DDX28: variants seen among roughly 807,000 people sequenced by gnomAD.
The protein encoded by DDX28 is DEAD-box helicase 28, also known as probable ATP-dependent RNA helicase DDX28.
Under a neutral mutation model 26.8 loss-of-function variants are expected in DDX28, and 25 were observed. The ratio of observed to expected loss-of-function variants is 0.93; its 90% CI spans 0.68 to 1.30. The LOEUF (loss-of-function observed/expected upper bound fraction) is 1.30. Ranked by LOEUF, DDX28 falls within the 50% of genes most tolerant of loss-of-function variation. The pLI is 0.00. For synonymous variants in DDX28, 370 were observed against 311.9 expected (o/e 1.19, Z -1.96); for missense variants, 790 against 695.1 (o/e 1.14, Z -1.53).
chr16:68,023,013 G>C lies in DDX28; in HGVS notation c.190C>G (p.Pro64Ala). 6.3e-7 allele frequency: 1 copy of C among 1,577,790 alleles called. No homozygotes were observed. Among genetic ancestry groups the C allele is most frequent in the Non-Finnish European group, 8.5e-7 (1 of 1,170,464 alleles). ...CGCGCCGAAACCAGCAGCGGTCCGG[G>C]TCGAACCAGCACCGGCCTCGGGAGG... is the stretch of plus-strand genomic sequence containing the variant. ...RNLPRPVLVR[P>A]GPLLVSARRP... The change falls in exon 1 of 1, where the codon CCC becomes GCC. Residue 64 changes from proline to alanine, a missense_variant. Pro to Ala is a conservative substitution (Grantham distance 27, BLOSUM62 -1). Coordinates refer to ENST00000332395, the MANE Select transcript of DDX28 (RefSeq NM_018380.4).
In DDX28 at chr16:68,022,779, G is replaced by C; in HGVS notation, c.424C>G (p.Gln142Glu). 1 of 1,607,702 alleles carries C rather than the reference G, an allele frequency of 6.2e-7. No homozygotes were observed. ...TGAACGACTTCAGGCGCAGCCTCCTGTAGTGCGTGCAGCACACGGGGCTCC... is the reference window on the plus strand; with the variant it reads ...TGAACGACTTCAGGCGCAGCCTCCTCTAGTGCGTGCAGCACACGGGGCTCC... Reference protein sequence around the residue: ...GLEPRVLHALQEAAPEVVQPT... With the variant: ...GLEPRVLHALEEAAPEVVQPT... Residue 142 changes from glutamine (Q) to glutamate (E), a missense_variant, in exon 1 of 1, where the codon CAG becomes GAG. By Grantham distance (29) the Gln-to-Glu change is conservative. Coordinates refer to ENST00000332395, the MANE Select transcript of DDX28 (RefSeq NM_018380.4).
Position 68,021,440 on chromosome 16 carries a change from C to A in DDX28, c.*140G>T. ...AATGCTGGCCAGCAGCGTACCTTTC[C>A]AAGTCACAAAGCAGTTCATCCCGCC... is the stretch of plus-strand genomic sequence containing the variant. On this transcript the variant is annotated 3_prime_UTR_variant, in exon 1 of 1. Transcript: ENST00000332395. 1 of 858,768 alleles carries A rather than the reference C, an allele frequency of 1.2e-6. No homozygotes were observed. Among genetic ancestry groups the A allele is most frequent in the East Asian group, 2.7e-5 (1 of 37,718 alleles). 53.2% of individuals were successfully genotyped at this position (858,768 alleles called of 1,614,324 possible).
Position 68,023,101 on chromosome 16 carries a change from C to T in DDX28, c.102G>A (p.Pro34=), listed in dbSNP as rs778385465. 8.1e-6 allele frequency: 13 copies of T among 1,603,022 alleles called. No individual in the cohort carries two copies. Among genetic ancestry groups the T allele is most frequent in the Non-Finnish European group, 1.1e-5 (13 of 1,179,812 alleles). ...GTAGAGCCACTGGGATGCGCACCAC[C>T]GGCAGGGGTTCGTCGGGACTGCGGA... is the stretch of plus-strand genomic sequence containing the variant. ...LTVRSPDEPL[P]VVRIPVALQR... is the part of the protein sequence containing the mutation. Residue 34 remains proline (P), a synonymous_variant, in exon 1 of 1, where the codon CCG becomes CCA. Coordinates refer to ENST00000332395, the MANE Select transcript of DDX28 (RefSeq NM_018380.4).
rs758217815 is a variant in DDX28, at chr16:68,022,319, C to T, written c.884G>A (p.Ser295Asn). 6.2e-7 allele frequency: 1 copy of T among 1,614,202 alleles called. No individual in the cohort carries two copies. The highest frequency in any genetic ancestry group is 8.5e-7 in the Non-Finnish European group (1 of 1,180,020). Residue 295 changes from serine to asparagine, a missense_variant, in exon 1 of 1, where the codon AGC (serine) becomes AAC (asparagine). Ser to Asn is a conservative substitution (Grantham distance 46, BLOSUM62 1). Coordinates refer to ENST00000332395, the MANE Select transcript of DDX28 (RefSeq NM_018380.4). ...GATGTAGTCCACCAGTTCCAGGAAG[C>T]TTTCATCCAGCAGTGTGTCTGCCTC... ...LDEADTLLDE[S>N]FLELVDYILE...
At position 68,022,075 on chromosome 16, in the gene DDX28, A is replaced by C; in HGVS notation, c.1128T>G (p.Asp376Glu). ...KQTFLRLKGA[D>E]KVAELVHILK... ...GGATGTGCACCAGCTCGGCCACCTTATCTGCTCCCTTCAGTCTCAGAAATG... is the reference window on the plus strand; with the variant it reads ...GGATGTGCACCAGCTCGGCCACCTTCTCTGCTCCCTTCAGTCTCAGAAATG... The change falls in exon 1 of 1, where the codon GAT (aspartate) becomes GAG (glutamate). Residue 376 changes from aspartate (D) to glutamate (E), a missense_variant. Asp to Glu is a conservative substitution (Grantham distance 45). Transcript: ENST00000332395. The C allele has an allele frequency of 6.2e-7, 1 of 1,614,150 alleles. No individual in the cohort carries two copies. Among genetic ancestry groups the C allele is most frequent in the Non-Finnish European group, 8.5e-7 (1 of 1,180,040 alleles).
rs1201872767 is a variant in DDX28, at chr16:68,022,595, G to A, written c.608C>T (p.Ala203Val). 5.0e-6 allele frequency: 8 copies of A among 1,613,878 alleles called. No homozygotes were observed. The highest frequency in any genetic ancestry group is 2.5e-6 in the Non-Finnish European group (3 of 1,180,012). Residue 203 changes from alanine (A) to valine (V), a missense_variant, in exon 1 of 1, where the codon GCG (alanine) becomes GTG (valine). Coordinates refer to ENST00000332395, the MANE Select transcript of DDX28 (RefSeq NM_018380.4). Reference sequence around the variant, plus strand: ...AGGAACAAGGACCAGGCCTCGGGGCGCGGGGATAGGAAGGGAGTCCAGGCT... The same window carrying A: ...AGGAACAAGGACCAGGCCTCGGGGCACGGGGATAGGAAGGGAGTCCAGGCT... ...QPSLDSLPIPAPRGLVLVPSR... is the reference protein window; with the variant it reads ...QPSLDSLPIPVPRGLVLVPSR...
At position 68,023,169 on chromosome 16, in the gene DDX28, G is replaced by C. The variant is rs766176001; in HGVS notation, c.34C>G (p.Leu12Val). The C allele has an allele frequency of 1.2e-6, 2 of 1,609,428 alleles. No individual in the cohort carries two copies. Among genetic ancestry groups the C allele is most frequent in the South Asian group, 2.2e-5 (2 of 91,018 alleles). The change falls in exon 1 of 1, where the codon CTC becomes GTC. Residue 12 changes from leucine to valine, a missense_variant. Transcript: ENST00000332395. ...ALTRPVRLFS[L>V]VTRLLLAPRR... Reference sequence around the variant, plus strand: ...GGCGCCAGGAGCAACCGAGTCACGAGGGAAAAGAGCCGCACCGGCCGCGTT... The same window carrying C: ...GGCGCCAGGAGCAACCGAGTCACGACGGAAAAGAGCCGCACCGGCCGCGTT...
chr16:68,022,510 G>GC lies in DDX28; in HGVS notation c.692dup (p.Leu232ProfsTer14). Reference sequence around the variant, plus strand: ...CTCCCTCCAGGTCCCGCACCAGCAGGCCCAAGGAGCGGCCCAAGGGTTGGG... The same window carrying GC: ...CTCCCTCCAGGTCCCGCACCAGCAGGCCCCAAGGAGCGGCCCAAGGGTTGGG... On this transcript the variant is annotated frameshift_variant, in exon 1 of 1. Coordinates refer to ENST00000332395, the MANE Select transcript of DDX28 (RefSeq NM_018380.4). LOFTEE classifies it high-confidence loss of function. 1 of 1,613,874 alleles carries GC rather than the reference G, an allele frequency of 6.2e-7. No individual in the cohort carries two copies. Among genetic ancestry groups the GC allele is most frequent in the African/African-American group, 1.3e-5 (1 of 75,052 alleles).
rs1484876780 is a variant in DDX28, at chr16:68,022,529, GGTTGGGCCACAGCCCGCACCT to G, written c.653_673del (p.Gln218_Gln224del). 1.2e-6 allele frequency: 2 copies of G among 1,613,846 alleles called. No homozygotes were observed. The highest frequency in any genetic ancestry group is 1.3e-5 in the African/African-American group (1 of 74,950). ...CAGCAGGCCCAAGGAGCGGCCCAAG[GGTTGGGCCACAGCCCGCACCT>G]GTTGGGCCAATTCTCGGGAAGGAAC... On this transcript the variant is annotated inframe_deletion, in exon 1 of 1. Transcript: ENST00000332395.
chr16:68,022,929 G>C lies in DDX28; in HGVS notation c.274C>G (p.Leu92Val). The change falls in exon 1 of 1, where the codon CTA (leucine) becomes GTA (valine). Residue 92 changes from leucine to valine, a missense_variant. Leu to Val is a conservative substitution (Grantham distance 32). Coordinates refer to ENST00000332395, the MANE Select transcript of DDX28 (RefSeq NM_018380.4). Reference sequence around the variant, plus strand: ...CGACTCTTCCAGCCTTGAGAGGCTAGCGGCGCGCGCTCCCAACGGCCCAGT... The same window carrying C: ...CGACTCTTCCAGCCTTGAGAGGCTACCGGCGCGCGCTCCCAACGGCCCAGT... ...LTLGRWERAP[L>V]ASQGWKSRRA... is the part of the protein sequence containing the mutation. 6.5e-7 allele frequency: 1 copy of C among 1,546,624 alleles called. No homozygotes were observed. Among genetic ancestry groups the C allele is most frequent in the Non-Finnish European group, 8.7e-7 (1 of 1,151,344 alleles).
At position 68,021,104 on chromosome 16, in the gene DDX28, C is replaced by T. The variant is rs1426400972; in HGVS notation, c.*476G>A. 6.6e-6 allele frequency among the ~76,000 whole-genome samples: 1 copy of T among 151,748 alleles called. No homozygotes were observed. Among genetic ancestry groups the T allele is most frequent in the Admixed American group, 6.6e-5 (1 of 15,194 alleles). The stretch of plus-strand genomic sequence containing the variant: ...TCTTGGGCATTGTTAGAGAGTAACT[C>T]TGTCTACTGCTAGTCACATTTCCTT... On this transcript the variant is annotated 3_prime_UTR_variant, in exon 1 of 1. Transcript: ENST00000332395.
rs2033277459 is a variant in DDX28 at position 68,023,025 on chromosome 16, C to T, written c.178G>A (p.Val60Met). The change falls in exon 1 of 1, where the codon GTG becomes ATG. Residue 60 changes from valine to methionine, a missense_variant. By Grantham distance (21) the Val-to-Met change is conservative. Transcript: ENST00000332395. ...QSRRRNLPRP[V>M]LVRPGPLLVS... Reference sequence around the variant, plus strand: ...AGCAGCGGTCCGGGTCGAACCAGCACCGGCCTCGGGAGGTTCCGCCGCCTG... The same window carrying T: ...AGCAGCGGTCCGGGTCGAACCAGCATCGGCCTCGGGAGGTTCCGCCGCCTG... 3.2e-6 allele frequency: 5 copies of T among 1,585,738 alleles called. No homozygotes were observed. The highest frequency in any genetic ancestry group is 4.3e-6 in the Non-Finnish European group (5 of 1,174,016).
At position 68,021,282 on chromosome 16, in the gene DDX28, CGGTGCTAATTAT is replaced by C. The variant is rs1385260885; in HGVS notation, c.*286_*297del. The C allele has an allele frequency of 1.1e-5, 4 of 377,908 alleles. No individual in the cohort carries two copies. Among genetic ancestry groups the C allele is most frequent in the Non-Finnish European group, 1.9e-5 (4 of 206,808 alleles). The allele number at this position is 377,908 out of a possible 1,614,324, so 23.4% of individuals were successfully genotyped here. A position where few individuals can be genotyped will look rare whatever the true frequency, so the allele number is the denominator to read the frequency against. ...CCTCAGAAACTACTGAATTCCGCCC[CGGTGCTAATTAT>C]TCTTAGGGGAGGCACATAAAAACAT... On this transcript the variant is annotated 3_prime_UTR_variant, in exon 1 of 1. Transcript: ENST00000332395.
rs770507825 is a variant in DDX28, at chr16:68,023,185, C to A, written c.18G>T (p.Pro6=). 2 of 1,609,560 alleles carry A rather than the reference C, an allele frequency of 1.2e-6. No homozygotes were observed. The highest frequency in any genetic ancestry group is 1.3e-5 in the African/African-American group (1 of 74,868). The change falls in exon 1 of 1, where the codon CCG becomes CCT. Residue 6 remains proline (P), a synonymous_variant. Coordinates refer to ENST00000332395, the MANE Select transcript of DDX28 (RefSeq NM_018380.4). MALTR[P]VRLFSLVTRL... The stretch of plus-strand genomic sequence containing the variant: ...GAGTCACGAGGGAAAAGAGCCGCAC[C>A]GGCCGCGTTAGAGCCATGTTTCCCT...
Position 68,022,592 on chromosome 16 carries a change from G to A in DDX28, c.611C>T (p.Pro204Leu), listed in dbSNP as rs1212268869. 1 of 1,613,826 alleles carries A rather than the reference G, an allele frequency of 6.2e-7. No homozygotes were observed. The highest frequency in any genetic ancestry group is 8.5e-7 in the Non-Finnish European group (1 of 1,180,034). ...GGAAGGAACAAGGACCAGGCCTCGG[G>A]GCGCGGGGATAGGAAGGGAGTCCAG... is the stretch of plus-strand genomic sequence containing the variant. Reference protein sequence around the residue: ...PSLDSLPIPAPRGLVLVPSRE... With the variant: ...PSLDSLPIPALRGLVLVPSRE... Residue 204 changes from proline (P) to leucine (L), a missense_variant, in exon 1 of 1, where the codon CCC (proline) becomes CTC (leucine). Coordinates refer to ENST00000332395, the MANE Select transcript of DDX28 (RefSeq NM_018380.4).
Position 68,023,163 on chromosome 16 carries a change from T to A in DDX28, c.40A>T (p.Thr14Ser). The A allele has an allele frequency of 4.4e-6, 7 of 1,608,552 alleles. No homozygotes were observed. The highest frequency in any genetic ancestry group is 5.9e-6 in the Non-Finnish European group (7 of 1,179,596). ...TRPVRLFSLV[T>S]RLLLAPRRGL... ...CGTCGCGGCGCCAGGAGCAACCGAG[T>A]CACGAGGGAAAAGAGCCGCACCGGC... is the stretch of plus-strand genomic sequence containing the variant. Residue 14 changes from threonine to serine, a missense_variant, in exon 1 of 1, where the codon ACT (threonine) becomes TCT (serine). Transcript: ENST00000332395.
Position 68,021,915 on chromosome 16 carries a change from G to GC in DDX28, c.1287dup (p.Gln430AlafsTer44). ...CCTACCCTCATCAAGGCTGGCATTTGCCCCTGCAACCTTAGGTGTTGGATT... is the reference window on the plus strand; with the variant it reads ...CCTACCCTCATCAAGGCTGGCATTTGCCCCCTGCAACCTTAGGTGTTGGATT... On this transcript the variant is annotated frameshift_variant, in exon 1 of 1. Transcript: ENST00000332395. LOFTEE classifies it high-confidence loss of function. 2 of 1,614,206 alleles carry GC rather than the reference G, an allele frequency of 1.2e-6. No homozygotes were observed. Among genetic ancestry groups the GC allele is most frequent in the Non-Finnish European group, 1.7e-6 (2 of 1,180,042 alleles).
At position 68,020,948 on chromosome 16, in the gene DDX28, TCTC is replaced by T. The variant is rs1487690350; in HGVS notation, c.*629_*631del. ...AGTTTTGTAAAACCGTTTAATCATC[TCTC>T]CTCTTTCTCGGCTACCGAGTTGGGA... On this transcript the variant is annotated 3_prime_UTR_variant, in exon 1 of 1. Coordinates refer to ENST00000332395, the MANE Select transcript of DDX28 (RefSeq NM_018380.4). Among the ~76,000 whole-genome samples the T allele has an allele frequency of 2.0e-5, 3 of 149,926 alleles. No individual in the cohort carries two copies. Among genetic ancestry groups the T allele is most frequent in the South Asian group, 4.2e-4 (2 of 4,746 alleles).
In DDX28 at chr16:68,021,911, AT is replaced by A; in HGVS notation, c.1291del (p.Met431CysfsTer4). The A allele has an allele frequency of 1.9e-6, 3 of 1,614,156 alleles. No homozygotes were observed. The highest frequency in any genetic ancestry group is 2.5e-6 in the Non-Finnish European group (3 of 1,180,018). ...KIQHLRLQGQ[M>X]PALMRVGIFQ... ...GATTCCTACCCTCATCAAGGCTGGC[AT>A]TTGCCCCTGCAACCTTAGGTGTTGG... is the stretch of plus-strand genomic sequence containing the variant. On this transcript the variant is annotated frameshift_variant, in exon 1 of 1. Transcript: ENST00000332395. LOFTEE classifies it high-confidence loss of function.
Sources: gnomAD v4.1 joint callset for allele counts (sites outside exome capture counted in the v4.1 genomes callset) on GRCh38, gnomAD v4.1.1 for gene constraint, MANE v1.5 for transcripts, NCBI Gene and HGNC (gene_info 2026-07-23, HGNC 2026-07-21) for gene names.